MCTP2: variants seen among roughly 807,000 people sequenced by gnomAD.
MCTP2 encodes the protein multiple C2 and transmembrane domain-containing protein 2.
In MCTP2, 132 loss-of-function variants were observed where a neutral mutation model predicts 111.6. The observed-to-expected ratio is 1.18, with a 90% confidence interval of 1.03 to 1.37. The LOEUF (loss-of-function observed/expected upper bound fraction) is 1.37. Among genes scored for constraint, MCTP2 ranks in the 40% most tolerant of loss-of-function variants. The pLI is 0.00. For missense variants in MCTP2, 1,183 were observed against 1,067.9 expected (o/e 1.11, Z -1.50); for synonymous variants, 395 against 387.7 (o/e 1.02, Z -0.22).
rs763099759 is a variant in MCTP2, at chr15:94,458,150, A to AG, written c.2268dup (p.Leu757ValfsTer3). 1 of 1,597,412 alleles carries AG rather than the reference A, an allele frequency of 6.3e-7. No individual in the cohort carries two copies. Among genetic ancestry groups the AG allele is most frequent in the East Asian group, 2.2e-5 (1 of 44,754 alleles). On this transcript the variant is annotated frameshift_variant, in exon 20 of 23. Transcript: ENST00000357742. LOFTEE classifies it high-confidence loss of function. The stretch of plus-strand genomic sequence containing the variant: ...TATGTTTTCTAGGAATCTGAGAAAA[A>AG]GGGGTTGATTGAAAGAATCTATATG...
intron 2 of MCTP2, among the ~76,000 whole-genome samples, chr15:94,309,630 C>G (rs2076039333): frequency 1.3e-5 from 2 of 152,162 alleles, no homozygotes; most frequent in Admixed American, 1.3e-4. Flanking sequence ...TTCTTGCCCT[C>G]AATCTCAAAG....
At position 94,298,699 on chromosome 15, in the gene MCTP2, C is replaced by T. The variant is rs866033843; in HGVS notation, c.434C>T (p.Ser145Phe). ...SNGIFDLQKTSLGGDAPEEPE... is the reference protein window; with the variant it reads ...SNGIFDLQKTFLGGDAPEEPE... ...GGCATCTTTGATCTTCAGAAAACTT[C>T]CCTTGGAGGGGATGCACCAGAAGAG... The change falls in exon 2 of 23, where the codon TCC becomes TTC. Residue 145 changes from serine to phenylalanine, a missense_variant. Physicochemically the swap from Ser to Phe is radical, Grantham distance 155. Coordinates refer to ENST00000357742, the MANE Select transcript of MCTP2 (RefSeq NM_001385001.1). The T allele has an allele frequency of 6.2e-7, 1 of 1,611,492 alleles. No homozygotes were observed. Among genetic ancestry groups the T allele is most frequent in the Non-Finnish European group, 8.5e-7 (1 of 1,179,166 alleles).
At chr15:94,350,209 A>G (rs1351819843) in intron 8 of MCTP2, among the ~76,000 whole-genome samples, 1 of 152,216 alleles carries the variant, frequency 6.6e-6, no homozygotes, top group Non-Finnish European at 1.5e-5. Context: ...CTTGGAGGCC[A>G]TGGCTCTGGC....
chr15:94,450,591 G>A (rs936162618), intron 19 of MCTP2, among the ~76,000 whole-genome samples: 1 of 152,076 alleles, frequency 6.6e-6, no homozygotes, highest in African/African-American at 2.4e-5. Context: ...CAAATTATAG[G>A]CTTTTAATAT....
intron 12 of MCTP2, among the ~76,000 whole-genome samples, chr15:94,379,391 G>C (rs1203331283): frequency 6.6e-6 from 1 of 152,132 alleles, no homozygotes; most frequent in East Asian, 1.9e-4. Context: ...AATAAGACAT[G>C]AAAATAGAGT....
chr15:94,470,234 A>T, intron 20 of MCTP2, 99 bp from the exon 21 acceptor site: 2 of 955,796 alleles, frequency 2.1e-6, no homozygotes, highest in Non-Finnish European at 3.2e-6. Flanking sequence ...ACTGTAAAAA[A>T]AATTTCTATA....
At chr15:94,458,383 C>A in intron 20 of MCTP2, 137 bp downstream of exon 20, 1 of 621,346 alleles carries the variant, frequency 1.6e-6, no homozygotes, top group East Asian at 2.8e-5. Context: ...TGGGTTAGCA[C>A]TGTCTGACTT....
chr15:94,436,202 A>C (rs2083468111), intron 17 of MCTP2, among the ~76,000 whole-genome samples: 1 of 152,176 alleles, frequency 6.6e-6, no homozygotes, highest in South Asian at 2.1e-4. Flanking sequence ...AGTAATGGTA[A>C]ATTTTTCATT....
intron 4 of MCTP2, among the ~76,000 whole-genome samples, chr15:94,318,561 C>A (rs1433973312): frequency 6.6e-6 from 1 of 152,190 alleles, no homozygotes; most frequent in South Asian, 2.1e-4. Context: ...GTGTGAGCCA[C>A]CACGCCCGGC....
Position 94,283,127 on chromosome 15 carries a change from G to A in MCTP2, c.-65-15074G>A, listed in dbSNP as rs146676668. On this transcript the variant is annotated intron_variant, in intron 1 of 22. Transcript: ENST00000357742. ...TCTGCAAAAGTACTCTGACAGGTAG[G>A]TGGGGTCTGCTGTTGAAAAACCTAT... 4.6e-3 allele frequency among the ~76,000 whole-genome samples: 699 copies of A among 152,264 alleles called. 6 individuals are homozygous for A. The highest frequency in any genetic ancestry group is 0.014 in the African/African-American group (601 of 41,562).
chr15:94,405,461 C>G (rs1009779479), intron 17 of MCTP2, among the ~76,000 whole-genome samples: 2 of 152,172 alleles, frequency 1.3e-5, no homozygotes, highest in African/African-American at 4.8e-5. Flanking sequence ...AAAGCAGGCT[C>G]TTAAGATCTA....
intron 4 of MCTP2, among the ~76,000 whole-genome samples, chr15:94,318,156 A>G (rs2076457543): frequency 6.6e-6 from 1 of 152,016 alleles, no homozygotes; most frequent in Non-Finnish European, 1.5e-5. Context: ...TTTTGTAACC[A>G]TTTCTCTGGC....
intron 4 of MCTP2, among the ~76,000 whole-genome samples, chr15:94,335,654 G>T (rs1437319871): frequency 1.3e-5 from 2 of 152,152 alleles, no homozygotes; most frequent in Non-Finnish European, 2.9e-5. Context: ...GCCTATTGTA[G>T]TATTGTTTGT....
chr15:94,323,224 G>A (rs1246500474), intron 4 of MCTP2, among the ~76,000 whole-genome samples: 1 of 152,190 alleles, frequency 6.6e-6, no homozygotes, highest in African/African-American at 2.4e-5. Flanking sequence ...ACAATGGGCA[G>A]GTTTAGCAAT....
intron 1 of MCTP2, among the ~76,000 whole-genome samples, chr15:94,258,484 T>A (rs1367807815): frequency 6.6e-6 from 1 of 152,136 alleles, no homozygotes; most frequent in Non-Finnish European, 1.5e-5. Flanking sequence ...AAGGAAGTGG[T>A]GCATGCATGG....
chr15:94,244,450 A>G (rs1044957401), intron 1 of MCTP2, among the ~76,000 whole-genome samples: 8 of 149,338 alleles, frequency 5.4e-5, no homozygotes, highest in African/African-American at 2.0e-4. Context: ...TTATATACGT[A>G]TATGTATACA....
chr15:94,314,627 T>A lies in MCTP2; in HGVS notation c.528+283T>A, dbSNP rs1596334300. ...GCCAGTTTGAAGTGCTTTGAAACTT[T>A]CAAAAGAAGGCTGTCAAGGGTGGCT... On this transcript the variant is annotated intron_variant, in intron 3 of 22. Coordinates refer to ENST00000357742, the MANE Select transcript of MCTP2 (RefSeq NM_001385001.1). 5 of 524,666 alleles carry A rather than the reference T, an allele frequency of 9.5e-6. No individual in the cohort carries two copies. The East Asian group carries it at 2.0e-4, about 21-fold the overall frequency. 32.5% of individuals were successfully genotyped at this position (524,666 alleles called of 1,614,324 possible). A position where few individuals can be genotyped will look rare whatever the true frequency, so the allele number is the denominator to read the frequency against.
intron 12 of MCTP2, among the ~76,000 whole-genome samples, chr15:94,371,247 A>G (rs552899260): frequency 2.0e-5 from 3 of 152,150 alleles, no homozygotes; most frequent in Non-Finnish European, 4.4e-5. Flanking sequence ...TAGAAGATAC[A>G]ATTTTTGAGG....
intron 20 of MCTP2, among the ~76,000 whole-genome samples, chr15:94,460,495 C>A (rs149515207): frequency 2.0e-4 from 31 of 152,190 alleles, no homozygotes; most frequent in African/African-American, 7.5e-4. Context: ...CAGTGAGGCA[C>A]GTATTGACAG....
Sources: gnomAD v4.1 joint callset for allele counts (sites outside exome capture counted in the v4.1 genomes callset) on GRCh38, gnomAD v4.1.1 for gene constraint, MANE v1.5 for transcripts, NCBI Gene and HGNC (gene_info 2026-07-23, HGNC 2026-07-21) for gene names.